Variants in CASQ2 observed in about 807,000 individuals in gnomAD.
CASQ2 encodes calsequestrin 2.
A neutral mutation model predicts 46.5 loss-of-function variants in CASQ2; 49 were observed. The ratio of observed to expected loss-of-function variants is 1.05; its 90% CI spans 0.84 to 1.34. The LOEUF (loss-of-function observed/expected upper bound fraction) is 1.34. Among genes scored for constraint, CASQ2 ranks in the 40% most tolerant of loss-of-function variants. The probability of loss-of-function intolerance (pLI) is 0.00; values close to 1 mark genes in which losing one functional copy is unlikely to be tolerated. For synonymous variants in CASQ2, 174 were observed against 168.5 expected, an observed-to-expected ratio of 1.03 and a Z score of -0.25; for missense variants, 486 against 481.3, an observed-to-expected ratio of 1.01 and a Z score of -0.09.
At chr1:115,717,758 G>A in intron 8 of CASQ2, 82 bp downstream of exon 8, 1 of 1,044,970 alleles carries the variant, frequency 9.6e-7, no homozygotes. Context: ...TGGGATGTGA[G>A]AGAAGAGAAA....
At chr1:115,761,322 G>T (rs554011681) in intron 1 of CASQ2, among the ~76,000 whole-genome samples, 1 of 134,250 alleles carries the variant, frequency 7.4e-6, no homozygotes, top group Non-Finnish European at 1.5e-5. Context: ...GCTTGAACCC[G>T]GAAGGAGGAG....
chr1:115,731,624 G>C (rs1168625963), intron 5 of CASQ2, among the ~76,000 whole-genome samples: 1 of 152,196 alleles, frequency 6.6e-6, no homozygotes, highest in Non-Finnish European at 1.5e-5. Flanking sequence ...TGCATATATT[G>C]CTTCTTTCTC....
At chr1:115,704,939 T>C (rs1042795901) in intron 9 of CASQ2, among the ~76,000 whole-genome samples, 1 of 152,226 alleles carries the variant, frequency 6.6e-6, no homozygotes, top group Non-Finnish European at 1.5e-5. Flanking sequence ...GAGTTTACCC[T>C]GCTCACTTGG....
intron 5 of CASQ2, among the ~76,000 whole-genome samples, chr1:115,728,325 A>T (rs1647665600): frequency 6.6e-6 from 1 of 152,214 alleles, no homozygotes; most frequent in Non-Finnish European, 1.5e-5. Flanking sequence ...AAGGGAGAGA[A>T]ATTCCAGCAT....
At chr1:115,733,298 A>G (rs1212096767) in intron 4 of CASQ2, among the ~76,000 whole-genome samples, 2 of 152,158 alleles carry the variant, frequency 1.3e-5, no homozygotes, top group African/African-American at 4.8e-5. Flanking sequence ...AAATAAAAAG[A>G]CCTTTCATTC....
rs146051391 is a variant in CASQ2 at position 115,738,255 on chromosome 1, G to C, written c.501C>G (p.Leu167=). 1 of 1,612,442 alleles carries C rather than the reference G, an allele frequency of 6.2e-7. No individual in the cohort carries two copies. The highest frequency in any genetic ancestry group is 1.3e-5 in the African/African-American group (1 of 74,888). Residue 167 remains leucine, a synonymous_variant, in exon 4 of 11, where the codon CTC becomes CTG. Coordinates refer to ENST00000261448, the MANE Select transcript of CASQ2 (RefSeq NM_001232.4). Reference sequence around the variant, plus strand: ...AGTCCTCACTCTTGAAAAAGCCAATGAGTTTGATGTAGTCTTCAATGCGTT... The same window carrying C: ...AGTCCTCACTCTTGAAAAAGCCAATCAGTTTGATGTAGTCTTCAATGCGTT... ...AFERIEDYIK[L]IGFFKSEDSE...
At chr1:115,755,650 GAT>G (rs1379489938) in intron 1 of CASQ2, among the ~76,000 whole-genome samples, 1 of 152,212 alleles carries the variant, frequency 6.6e-6, no homozygotes, top group Non-Finnish European at 1.5e-5. Context: ...AAATGCCATG[GAT>G]AACTAACTTG....
At chr1:115,761,487 GGAGAAGAAGGAGAAGAAGAAGAAGAAGAA>G (rs1557806823) in intron 1 of CASQ2, among the ~76,000 whole-genome samples, 7 of 17,690 alleles carry the variant, frequency 4.0e-4, no homozygotes, top group African/African-American at 1.1e-3. Flanking sequence ...AGAAGAAGAA[GGAGAAGAAGGAGAAGAAGAAGAAGAAGAA>G]GAAGAAGAAG....
At position 115,741,191 on chromosome 1, in the gene CASQ2, A is replaced by C. The variant is rs183946633; in HGVS notation, c.320-363T>G. On this transcript the variant is annotated intron_variant, in intron 2 of 10. Coordinates refer to ENST00000261448, the MANE Select transcript of CASQ2 (RefSeq NM_001232.4). ...TTAACCTTGCTTTAAAGTCCCTCCA[A>C]AATCTGTTTCCAAATCTATCCCTTT... Among the ~76,000 whole-genome samples the C allele has an allele frequency of 9.1e-4, 139 of 152,302 alleles. 1 individual carries two copies. The highest frequency in any genetic ancestry group is 3.3e-3 in the African/African-American group (137 of 41,580).
At chr1:115,719,260 G>A (rs1174342788) in intron 7 of CASQ2, among the ~76,000 whole-genome samples, 2 of 105,386 alleles carry the variant, frequency 1.9e-5, no homozygotes, top group Non-Finnish European at 1.9e-5. Context: ...TGTGTGTGCC[G>A]GCTTATTACA....
chr1:115,740,391 C>T (rs1648135072), intron 3 of CASQ2, among the ~76,000 whole-genome samples: 2 of 152,172 alleles, frequency 1.3e-5, no homozygotes, highest in African/African-American at 4.8e-5. Context: ...CTTCAGGTGG[C>T]TGGTTAGCCC....
chr1:115,714,167 C>G (rs1398638249), intron 8 of CASQ2, among the ~76,000 whole-genome samples: 2 of 152,158 alleles, frequency 1.3e-5, no homozygotes, highest in Non-Finnish European at 2.9e-5. Flanking sequence ...GAGGTAAGCT[C>G]TCTCAGCCTC....
rs1647628208 is a variant in CASQ2, at chr1:115,727,261, T to C, written c.607-139A>G. The C allele has an allele frequency of 4.4e-6, 3 of 686,022 alleles. No individual in the cohort carries two copies. The East Asian group carries it at 8.5e-5, about 19-fold the overall frequency. 42.5% of individuals were successfully genotyped at this position (686,022 alleles called of 1,614,324 possible). ...TACAGTTTTAACTTCAATGTTGAAG[T>C]GACAGGAACTTATCACCCAAGGCCT... On this transcript the variant is annotated intron_variant, in intron 5 of 10. Coordinates refer to ENST00000261448, the MANE Select transcript of CASQ2 (RefSeq NM_001232.4).
At chr1:115,752,317 G>A (rs896767504) in intron 1 of CASQ2, among the ~76,000 whole-genome samples, 1 of 152,110 alleles carries the variant, frequency 6.6e-6, no homozygotes, top group Non-Finnish European at 1.5e-5. Context: ...TCTAGCAATT[G>A]TCCATGTTGT....
intron 3 of CASQ2, among the ~76,000 whole-genome samples, chr1:115,739,161 G>A (rs147952170): frequency 9.9e-6 from 1 of 101,340 alleles, no homozygotes; most frequent in African/African-American, 3.0e-5. Flanking sequence ...GCCCAGGCTG[G>A]AGTGCAGTGG....
At chr1:115,748,473 A>G (rs61798518) in intron 1 of CASQ2, among the ~76,000 whole-genome samples, 140,316 of 150,992 alleles carry the variant, frequency 0.93, 65,538 homozygotes, top group South Asian at 0.98. Flanking sequence ...TTGGGGACTG[A>G]GGGGTGGGAG....
At chr1:115,709,583 A>T (rs1296903285) in intron 8 of CASQ2, among the ~76,000 whole-genome samples, 1 of 152,226 alleles carries the variant, frequency 6.6e-6, no homozygotes, top group East Asian at 1.9e-4. Context: ...AGTTATCAGA[A>T]AAGCATCAGT....
At chr1:115,705,362 T>A in intron 8 of CASQ2, 70 bp from the exon 9 acceptor site, 1 of 1,005,476 alleles carries the variant, frequency 9.9e-7, no homozygotes, top group Non-Finnish European at 1.6e-6. Context: ...GAGCAGAGTG[T>A]GATTTTTCCA....
At chr1:115,726,852 A>G in intron 6 of CASQ2, 140 bp downstream of exon 6, 1 of 685,894 alleles carries the variant, frequency 1.5e-6, no homozygotes, top group South Asian at 1.6e-5. Flanking sequence ...ACTGATCAAC[A>G]AAGCCATACT....
Sources: allele counts gnomAD v4.1 joint callset (sites outside exome capture counted in the v4.1 genomes callset), GRCh38; gene constraint gnomAD v4.1.1; transcripts MANE v1.5; gene names NCBI Gene and HGNC (gene_info 2026-07-23, HGNC 2026-07-21).